Variants in MACROD1 observed in about 807,000 individuals in gnomAD.
MACROD1 encodes mono-ADP ribosylhydrolase 1.
A neutral mutation model predicts 41.4 loss-of-function variants in MACROD1; 31 were observed. That is an observed-to-expected ratio of 0.75 (90% confidence interval 0.56 to 1.01). MACROD1 has a LOEUF of 1.01. Among genes scored for constraint, MACROD1 ranks in the 50% least tolerant of loss-of-function variants. MACROD1 has a pLI of 0.00. For missense variants in MACROD1, 473 were observed against 460.0 expected (o/e 1.03, Z -0.26); for synonymous variants, 252 against 203.4 (o/e 1.24, Z -2.03).
intron 4 of MACROD1, among the ~76,000 whole-genome samples, chr11:64,008,206 G>A (rs1398447344): frequency 6.6e-6 from 1 of 152,234 alleles, no homozygotes; most frequent in Non-Finnish European, 1.5e-5. Context: ...GCCAGGGAGA[G>A]GCAAAGCGTG....
At chr11:64,130,988 G>A (rs1367689794) in intron 3 of MACROD1, among the ~76,000 whole-genome samples, 1 of 152,260 alleles carries the variant, frequency 6.6e-6, no homozygotes, top group Non-Finnish European at 1.5e-5. Context: ...ATCGGAGATG[G>A]GCTTATTAAA....
chr11:64,007,666 C>T (rs1331776612), intron 4 of MACROD1, among the ~76,000 whole-genome samples: 1 of 152,190 alleles, frequency 6.6e-6, no homozygotes, highest in Non-Finnish European at 1.5e-5. Flanking sequence ...CTTCTGTTCC[C>T]TCTTCTGGAC....
chr11:64,106,460 G>A (rs1243469979), intron 3 of MACROD1, among the ~76,000 whole-genome samples: 1 of 152,210 alleles, frequency 6.6e-6, no homozygotes, highest in Non-Finnish European at 1.5e-5. Flanking sequence ...GGCAGACCAT[G>A]TCCTAACTAT....
chr11:64,139,118 G>C (rs538413905), intron 3 of MACROD1, among the ~76,000 whole-genome samples: 69 of 152,278 alleles, frequency 4.5e-4, no homozygotes, highest in Admixed American at 5.9e-4. Flanking sequence ...CCTCAGTGGA[G>C]GAAGCCGCCA....
At chr11:64,069,312 G>A (rs748697538) in intron 3 of MACROD1, among the ~76,000 whole-genome samples, 2 of 152,202 alleles carry the variant, frequency 1.3e-5, no homozygotes, top group Non-Finnish European at 1.5e-5. Context: ...GATGAGGCAC[G>A]GCTGTCAGCC....
chr11:64,089,162 C>T (rs1256526824), intron 3 of MACROD1, among the ~76,000 whole-genome samples: 1 of 152,166 alleles, frequency 6.6e-6, no homozygotes, highest in African/African-American at 2.4e-5. Flanking sequence ...CTTCCAGGCA[C>T]AGGGCGGGTC....
intron 3 of MACROD1, among the ~76,000 whole-genome samples, chr11:64,059,299 C>T (rs1223188175): frequency 1.3e-5 from 2 of 152,174 alleles, no homozygotes; most frequent in African/African-American, 4.8e-5. Flanking sequence ...CTTGCGGGTC[C>T]TGGCTCCACT....
At chr11:64,039,969 G>A (rs1393761868) in intron 3 of MACROD1, among the ~76,000 whole-genome samples, 3 of 152,226 alleles carry the variant, frequency 2.0e-5, no homozygotes, top group Non-Finnish European at 4.4e-5. Context: ...CCTCTGGCAC[G>A]CCTGGCTCCC....
intron 3 of MACROD1, among the ~76,000 whole-genome samples, chr11:64,114,558 T>C (rs1288255005): frequency 2.8e-5 from 4 of 141,082 alleles, no homozygotes; most frequent in African/African-American, 1.0e-4. Flanking sequence ...CATGGATGGA[T>C]GGATGGATGG....
intron 6 of MACROD1, 26 bp from the exon 7 acceptor site, chr11:63,999,586 T>C (rs1942781861): frequency 6.2e-7 from 1 of 1,609,098 alleles, no homozygotes; most frequent in East Asian, 2.2e-5. Context: ...TGAGAGGGGG[T>C]TGGAACATTG....
intron 4 of MACROD1, among the ~76,000 whole-genome samples, chr11:64,004,867 T>C (rs1345747798): frequency 5.3e-5 from 8 of 151,338 alleles, no homozygotes; most frequent in African/African-American, 1.7e-4. Context: ...CTGGACAACA[T>C]AGTAAGACCC....
intron 3 of MACROD1, among the ~76,000 whole-genome samples, chr11:64,129,373 G>A (rs1945232692): frequency 6.6e-6 from 1 of 152,220 alleles, no homozygotes; most frequent in Non-Finnish European, 1.5e-5. Flanking sequence ...GAGGTGGGAC[G>A]ACACAGGTAA....
intron 3 of MACROD1, among the ~76,000 whole-genome samples, chr11:64,112,994 C>A (rs1450130976): frequency 2.0e-5 from 3 of 152,180 alleles, no homozygotes; most frequent in African/African-American, 7.2e-5. Context: ...CCTGCCCTGG[C>A]AGTTTGGTGA....
At chr11:64,086,194 G>C (rs926499170) in intron 3 of MACROD1, among the ~76,000 whole-genome samples, 19 of 152,182 alleles carry the variant, frequency 1.2e-4, no homozygotes, top group African/African-American at 4.3e-4. Flanking sequence ...CCCAGGGCTG[G>C]AGTGGGGAGG....
chr11:64,005,540 G>T (rs1398226987), intron 4 of MACROD1, among the ~76,000 whole-genome samples: 1 of 152,226 alleles, frequency 6.6e-6, no homozygotes, highest in Non-Finnish European at 1.5e-5. Flanking sequence ...GTGGGGCCTG[G>T]GCTGGCTGGG....
At position 64,067,432 on chromosome 11, in the gene MACROD1, C is replaced by A. The variant is rs756943299; in HGVS notation, c.518-52151G>T. Among the ~76,000 whole-genome samples the A allele has an allele frequency of 1.1e-4, 17 of 152,186 alleles. No individual in the cohort carries two copies. Among genetic ancestry groups the A allele is most frequent in the Non-Finnish European group, 1.9e-4 (13 of 68,034 alleles). Reference sequence around the variant, plus strand: ...CCTTTCAGCTCACAAATCATGCCCCCGGCCCAGGTGACAGCCAGCACAGAC... The same window carrying A: ...CCTTTCAGCTCACAAATCATGCCCCAGGCCCAGGTGACAGCCAGCACAGAC... On this transcript the variant is annotated intron_variant, in intron 3 of 10. Transcript: ENST00000255681. This position sits in a 1 kb window ranked among gnomAD's most constrained non-coding sequence, Gnocchi z 4.6.
rs563903794 is a variant in MACROD1, at chr11:64,096,501, C to A, written c.517+54738G>T. On this transcript the variant is annotated intron_variant, in intron 3 of 10. Transcript: ENST00000255681. The surrounding 1 kb of genome is among the most constrained non-coding windows in gnomAD (Gnocchi z 4.6). Reference sequence around the variant, plus strand: ...TATGATCTCGGCTCACTGCAACCTCCGCCTTCCGGGTTCAAGCAATTCTCT... The same window carrying A: ...TATGATCTCGGCTCACTGCAACCTCAGCCTTCCGGGTTCAAGCAATTCTCT... Among the ~76,000 whole-genome samples the A allele has an allele frequency of 6.6e-6, 1 of 151,794 alleles. No homozygotes were observed. The highest frequency in any genetic ancestry group is 1.5e-5 in the Non-Finnish European group (1 of 67,934).
intron 3 of MACROD1, among the ~76,000 whole-genome samples, chr11:64,141,401 G>A (rs1322050587): frequency 6.6e-6 from 1 of 152,212 alleles, no homozygotes; most frequent in Non-Finnish European, 1.5e-5. Context: ...GGGAGCGGGG[G>A]CACTGTGGCC....
chr11:64,150,603 C>T (rs1458819274), intron 3 of MACROD1, among the ~76,000 whole-genome samples: 2 of 152,194 alleles, frequency 1.3e-5, no homozygotes, highest in Non-Finnish European at 2.9e-5. Context: ...CCCTTGGCAC[C>T]CCATGCCAAA....
Sources: gnomAD v4.1 joint callset for allele counts (sites outside exome capture counted in the v4.1 genomes callset) on GRCh38, gnomAD v4.1.1 for gene constraint, Gnocchi (gnomAD v3.1) non-coding constraint, MANE v1.5 for transcripts, NCBI Gene and HGNC (gene_info 2026-07-23, HGNC 2026-07-21) for gene names.